KIF24: variants seen among roughly 807,000 people sequenced by gnomAD.
The protein encoded by KIF24 is kinesin family member 24.
In KIF24, 81 loss-of-function variants were observed where a neutral mutation model predicts 118.9. The ratio of observed to expected loss-of-function variants is 0.68; its 90% confidence interval spans 0.57 to 0.82. The LOEUF (loss-of-function observed/expected upper bound fraction) is 0.82. KIF24 is among the 40% of genes least tolerant of loss of function. KIF24 has a pLI of 0.00. For missense variants in KIF24, 1,560 were observed against 1,661.6 expected, an observed-to-expected ratio of 0.94 and a Z score of 1.06; for synonymous variants, 599 against 610.0, an observed-to-expected ratio of 0.98 and a Z score of 0.27.
At chr9:34,272,538 C>T (rs1835545163) in intron 6 of KIF24, among the ~76,000 whole-genome samples, 1 of 152,238 alleles carries the variant, frequency 6.6e-6, no homozygotes, top group South Asian at 2.1e-4. Context: ...GATTGGCCTG[C>T]AGCCACTGAA....
chr9:34,325,338 T>G, intron 1 of KIF24, among the ~76,000 whole-genome samples: 2 of 85,230 alleles, frequency 2.3e-5, no homozygotes, highest in Non-Finnish European at 5.0e-5. Context: ...GGGTGAGACT[T>G]CGTCTCAAAA....
chr9:34,275,322 A>G (rs1409859305), intron 6 of KIF24, among the ~76,000 whole-genome samples: 1 of 152,032 alleles, frequency 6.6e-6, no homozygotes, highest in African/African-American at 2.4e-5. Context: ...TGAACCCGGG[A>G]GGTGGAGGTT....
intron 6 of KIF24, among the ~76,000 whole-genome samples, chr9:34,272,218 CT>C (rs1308152347): frequency 6.6e-6 from 1 of 152,110 alleles, no homozygotes; most frequent in African/African-American, 2.4e-5. Flanking sequence ...TGGATTTAGC[CT>C]AACTAAAATC....
In KIF24 at chr9:34,299,823, C is replaced by T. The variant is rs79708255; in HGVS notation, c.814-2709G>A. ...ACCAAGATGTGTGTGTGTGTGTGTG[C>T]GTGTGTGTGTGTGTGTGTGTGTGTA... On this transcript the variant is annotated intron_variant, in intron 3 of 12. Coordinates refer to ENST00000402558, the MANE Select transcript of KIF24 (RefSeq NM_194313.4). 3.0e-3 allele frequency among the ~76,000 whole-genome samples: 398 copies of T among 133,262 alleles called. 2 individuals are homozygous for T. Among genetic ancestry groups the T allele is most frequent in the African/African-American group, 8.8e-3 (311 of 35,492 alleles). The allele number at this position is 133,262 out of a possible 152,430, so 87.4% of individuals were successfully genotyped here. A position where few individuals can be genotyped will look rare whatever the true frequency, so the allele number is the denominator to read the frequency against.
rs1837394828 is a variant in KIF24, at chr9:34,318,320, A to G, written c.-25-6949T>C. ...CTCGAGAGCGAGACTCCCGTCTTGG[A>G]GCCAGCCCAGCCCAACCCAGCCCAA... On this transcript the variant is annotated intron_variant, in intron 1 of 12. Transcript: ENST00000402558. This position sits in a 1 kb window ranked among gnomAD's most constrained non-coding sequence, Gnocchi z 4.9. 3.4e-6 allele frequency: 2 copies of G among 581,038 alleles called. No homozygotes were observed. Among genetic ancestry groups the G allele is most frequent in the Admixed American group, 2.7e-5 (1 of 36,646 alleles). 36.0% of individuals were successfully genotyped at this position (581,038 alleles called of 1,614,324 possible).
chr9:34,297,262 T>C (rs555594327), intron 3 of KIF24, 148 bp from the exon 4 acceptor site: 23 of 572,142 alleles, frequency 4.0e-5, no homozygotes, highest in Non-Finnish European at 4.4e-5. Flanking sequence ...GCAATCACTA[T>C]TAAATGACAG....
chr9:34,296,970 G>A, intron 4 of KIF24, 47 bp downstream of exon 4: 1 of 928,962 alleles, frequency 1.1e-6, no homozygotes, highest in Non-Finnish European at 1.7e-6. Flanking sequence ...TGGCCTAATG[G>A]AAAATAGAAA....
chr9:34,276,805 C>T (rs1375035702), intron 6 of KIF24, among the ~76,000 whole-genome samples: 1 of 152,098 alleles, frequency 6.6e-6, no homozygotes. Context: ...ATATGGCTAC[C>T]ACCTTTAAGC....
At position 34,318,336 on chromosome 9, in the gene KIF24, C is replaced by A; in HGVS notation, c.-25-6965G>T. On this transcript the variant is annotated intron_variant, in intron 1 of 12. Transcript: ENST00000402558. This position sits in a 1 kb window ranked among gnomAD's most constrained non-coding sequence, Gnocchi z 4.9. The stretch of plus-strand genomic sequence containing the variant: ...CCGTCTTGGAGCCAGCCCAGCCCAA[C>A]CCAGCCCAACCCAGCTTGACCTAGC... 1.2e-3 allele frequency: 547 copies of A among 440,532 alleles called. No individual in the cohort carries two copies. Among genetic ancestry groups the A allele is most frequent in the East Asian group, 3.8e-3 (72 of 18,810 alleles). 27.3% of individuals were successfully genotyped at this position (440,532 alleles called of 1,614,324 possible). A position where few individuals can be genotyped will look rare whatever the true frequency, so the allele number is the denominator to read the frequency against.
Position 34,257,473 on chromosome 9 carries a change from C to A in KIF24, c.2134G>T (p.Val712Leu). 6.2e-7 allele frequency: 1 copy of A among 1,614,088 alleles called. No individual in the cohort carries two copies. Residue 712 changes from valine (V) to leucine (L), a missense_variant, in exon 11 of 13, where the codon GTA becomes TTA. Around this residue, in one of 3 missense-constraint regions of KIF24, gnomAD observed 964 missense variants for 988.0 expected, o/e 0.98. Transcript: ENST00000402558. ...KCKKVQTVQP[V>L]QKQLVSRVEL... ...ACTCGAGACACAAGCTGCTTCTGTA[C>A]TGGCTGCACTGTCTGCACTTTCTTG... is the stretch of plus-strand genomic sequence containing the variant.
chr9:34,305,428 G>A (rs957628866), intron 3 of KIF24, among the ~76,000 whole-genome samples: 2 of 152,004 alleles, frequency 1.3e-5, no homozygotes, highest in Non-Finnish European at 2.9e-5. Flanking sequence ...GGCAATTGTC[G>A]GTCCTGTTGC....
At chr9:34,306,670 C>T (rs1235804984) in intron 2 of KIF24, among the ~76,000 whole-genome samples, 5 of 152,002 alleles carry the variant, frequency 3.3e-5, no homozygotes, top group Middle Eastern at 3.2e-3. Flanking sequence ...GGCATAGTGG[C>T]GTGCGCCTGT....
intron 9 of KIF24, among the ~76,000 whole-genome samples, chr9:34,262,283 C>T (rs1250523529): frequency 6.6e-6 from 1 of 152,010 alleles, no homozygotes; most frequent in Non-Finnish European, 1.5e-5. Flanking sequence ...AACAGCACTG[C>T]TCTCCCCAAG....
At chr9:34,307,543 G>C (rs557674860) in intron 2 of KIF24, among the ~76,000 whole-genome samples, 215 of 152,238 alleles carry the variant, frequency 1.4e-3, no homozygotes, top group Middle Eastern at 6.8e-3. Flanking sequence ...TGAAACTGCA[G>C]ATGGAATAAA....
At chr9:34,290,435 A>G in intron 4 of KIF24, 46 bp from the exon 5 acceptor site, 3 of 1,221,154 alleles carry the variant, frequency 2.5e-6, no homozygotes, top group Non-Finnish European at 3.5e-6. Context: ...TAAGAGAAGT[A>G]TTAGTTTACC....
chr9:34,314,807 C>T (rs1318868587), intron 1 of KIF24, among the ~76,000 whole-genome samples: 1 of 152,062 alleles, frequency 6.6e-6, no homozygotes, highest in Non-Finnish European at 1.5e-5. Context: ...TATGATAGTC[C>T]ATTTAATGAA....
intron 4 of KIF24, among the ~76,000 whole-genome samples, chr9:34,294,371 C>T (rs551314689): frequency 6.6e-6 from 1 of 152,214 alleles, no homozygotes; most frequent in South Asian, 2.1e-4. Flanking sequence ...TTCTGGCCAT[C>T]ATGGAGAAAC....
intron 1 of KIF24, among the ~76,000 whole-genome samples, chr9:34,327,846 A>AAAT (rs1554668268): frequency 0.014 from 2,029 of 149,670 alleles, 12 homozygotes; most frequent in Non-Finnish European, 0.019. Flanking sequence ...AATAAAAAAA[A>AAAT]AATAATAATA....
At position 34,297,086 on chromosome 9, in the gene KIF24, C is replaced by T; in HGVS notation, c.842G>A (p.Gly281Asp). The T allele has an allele frequency of 6.3e-7, 1 of 1,584,930 alleles. No homozygotes were observed. Among genetic ancestry groups the T allele is most frequent in the East Asian group, 2.3e-5 (1 of 44,394 alleles). The change falls in exon 4 of 13, where the codon GGT becomes GAT. Residue 281 changes from glycine to aspartate, a missense_variant. By Grantham distance (94) the Gly-to-Asp change is moderately conservative. Around this residue, in one of 3 missense-constraint regions of KIF24, gnomAD observed 964 missense variants for 988.0 expected, o/e 0.98. Transcript: ENST00000402558. ...TACATCCTGATTGGTGCACGCCTCA[C>T]CAAAGACTTCATCAAAATAAAAAAC... ...QHVFYFDEVF[G>D]EACTNQDVYM...
Sources: allele counts gnomAD v4.1 joint callset (sites outside exome capture counted in the v4.1 genomes callset), GRCh38; gene constraint gnomAD v4.1.1; regional missense constraint gnomAD v4.1.1; non-coding constraint Gnocchi (gnomAD v3.1); transcripts MANE v1.5; gene names NCBI Gene and HGNC (gene_info 2026-07-23, HGNC 2026-07-21).